The following GIMAP4 variants were observed in gnomAD, a reference collection of about 807,000 sequenced individuals.
GIMAP4 encodes the protein GTPase IMAP family member 4.
A neutral mutation model predicts 10.8 loss-of-function variants in GIMAP4; 12 were observed. That is an observed-to-expected ratio of 1.11 (90% CI 0.71 to 1.81). The LOEUF (loss-of-function observed/expected upper bound fraction) is 1.81, where lower values mean the gene tolerates loss of function less well. Among genes scored for constraint, GIMAP4 ranks in the 40% most tolerant of loss-of-function variants. The pLI is 0.00. For missense variants in GIMAP4, 412 were observed against 404.6 expected (o/e 1.02, Z -0.16); for synonymous variants, 149 against 147.2 (o/e 1.01, Z -0.09).
At chr7:150,571,486 G>C (rs1795727677) in intron 2 of GIMAP4, among the ~76,000 whole-genome samples, 1 of 152,136 alleles carries the variant, frequency 6.6e-6, no homozygotes, top group Non-Finnish European at 1.5e-5. Flanking sequence ...ACCTTATTTA[G>C]AAAGAAACAG....
At chr7:150,570,701 T>A (rs547328568) in intron 2 of GIMAP4, among the ~76,000 whole-genome samples, 4 of 152,236 alleles carry the variant, frequency 2.6e-5, no homozygotes, top group Admixed American at 2.6e-4. Context: ...TATGGACATG[T>A]CTGGTAGTTA....
chr7:150,572,932 G>C lies in GIMAP4; in HGVS notation c.862G>C (p.Ala288Pro). ...QMEKKLAEQE[A>P]HYAVRQQRAR... ...GGAGAAGAAACTAGCAGAACAGGAG[G>C]CTCACTATGCTGTAAGGCAGCAAAG... The change falls in exon 3 of 3, where the codon GCT becomes CCT. Residue 288 changes from alanine to proline, a missense_variant. Coordinates refer to ENST00000255945, the MANE Select transcript of GIMAP4 (RefSeq NM_018326.3). The C allele has an allele frequency of 1.2e-6, 2 of 1,613,970 alleles. No individual in the cohort carries two copies. The highest frequency in any genetic ancestry group is 1.7e-6 in the Non-Finnish European group (2 of 1,179,850).
Position 150,572,443 on chromosome 7 carries a change from C to T in GIMAP4, c.373C>T (p.Arg125Cys), listed in dbSNP as rs1585157840. The change falls in exon 3 of 3, where the codon CGT (arginine) becomes TGT (cysteine). Residue 125 changes from arginine (R) to cysteine (C), a missense_variant. Transcript: ENST00000255945. ...HALLLVVPLGRYTEEEHKATE... is the reference protein window; with the variant it reads ...HALLLVVPLGCYTEEEHKATE... ...TCTGCTTCTGGTGGTTCCACTGGGC[C>T]GTTACACTGAGGAAGAGCACAAAGC... is the stretch of plus-strand genomic sequence containing the variant. 1.2e-6 allele frequency: 2 copies of T among 1,613,866 alleles called. No individual in the cohort carries two copies. The highest frequency in any genetic ancestry group is 2.2e-5 in the East Asian group (1 of 44,898).
At position 150,567,792 on chromosome 7, in the gene GIMAP4, G is replaced by A. The variant is rs559736037; in HGVS notation, c.-15+355G>A. 3.3e-5 allele frequency among the ~76,000 whole-genome samples: 5 copies of A among 152,308 alleles called. No homozygotes were observed. In the East Asian group the frequency reaches 9.6e-4, roughly 29 times the overall value. ...GGAAGAGGAACATTGGGATGTGTAA[G>A]GGGCACAGCTCCATATGTGGCCCCA... On this transcript the variant is annotated intron_variant, in intron 1 of 2. Transcript: ENST00000255945.
intron 1 of GIMAP4, among the ~76,000 whole-genome samples, chr7:150,567,920 A>AG (rs957040809): frequency 6.6e-6 from 1 of 152,194 alleles, no homozygotes; most frequent in African/African-American, 2.4e-5. Flanking sequence ...CTGTCTCCTC[A>AG]GGGACAGTCC....
At position 150,573,081 on chromosome 7, in the gene GIMAP4, T is replaced by C. The variant is rs1251849426; in HGVS notation, c.*21T>C. 6.0e-6 allele frequency: 9 copies of C among 1,489,542 alleles called. No homozygotes were observed. Among genetic ancestry groups the C allele is most frequent in the South Asian group, 1.2e-5 (1 of 84,032 alleles). 92.3% of individuals were successfully genotyped at this position (1,489,542 alleles called of 1,614,324 possible). ...ATTAAACTTAATGAAAATCTGTTTG[T>C]ATTTTCTGCATATTCTCTGGCAACC... On this transcript the variant is annotated 3_prime_UTR_variant, in exon 3 of 3. Coordinates refer to ENST00000255945, the MANE Select transcript of GIMAP4 (RefSeq NM_018326.3).
chr7:150,572,806 G>C lies in GIMAP4; in HGVS notation c.736G>C (p.Val246Leu). ...QTQAMQELHR[V>L]ELEREKARIR... ...ACAAGCAATGCAAGAACTCCACAGAGTGGAGCTGGAGAGAGAGAAAGCGCG... is the reference window on the plus strand; with the variant it reads ...ACAAGCAATGCAAGAACTCCACAGACTGGAGCTGGAGAGAGAGAAAGCGCG... The change falls in exon 3 of 3, where the codon GTG becomes CTG. Residue 246 changes from valine to leucine, a missense_variant. By Grantham distance (32) the Val-to-Leu change is conservative. Coordinates refer to ENST00000255945, the MANE Select transcript of GIMAP4 (RefSeq NM_018326.3). 2 of 1,614,062 alleles carry C rather than the reference G, an allele frequency of 1.2e-6. No homozygotes were observed. Among genetic ancestry groups the C allele is most frequent in the Non-Finnish European group, 1.7e-6 (2 of 1,179,966 alleles).
In GIMAP4 at chr7:150,572,257, A is replaced by C. The variant is rs189157143; in HGVS notation, c.187A>C (p.Lys63Gln). The change falls in exon 3 of 3, where the codon AAA becomes CAA. Residue 63 changes from lysine to glutamine, a missense_variant. Transcript: ENST00000255945. ...RKVFHSGTAA[K>Q]SITKKCEKRS... Reference sequence around the variant, plus strand: ...AGTGTTTCATTCTGGCACTGCAGCAAAATCCATTACCAAGAAGTGTGAGAA... The same window carrying C: ...AGTGTTTCATTCTGGCACTGCAGCACAATCCATTACCAAGAAGTGTGAGAA... The C allele has an allele frequency of 1.9e-4, 299 of 1,614,190 alleles. No individual in the cohort carries two copies. The East Asian group carries it at 6.6e-3, about 35-fold the overall frequency.
At position 150,573,243 on chromosome 7, in the gene GIMAP4, G is replaced by A. The variant is rs1001666257; in HGVS notation, c.*183G>A. 1.2e-4 allele frequency: 65 copies of A among 557,426 alleles called. No homozygotes were observed. In the South Asian group the frequency reaches 1.5e-3, roughly 13 times the overall value. 34.5% of individuals were successfully genotyped at this position (557,426 alleles called of 1,614,324 possible). A position where few individuals can be genotyped will look rare whatever the true frequency, so the allele number is the denominator to read the frequency against. On this transcript the variant is annotated 3_prime_UTR_variant, in exon 3 of 3. Coordinates refer to ENST00000255945, the MANE Select transcript of GIMAP4 (RefSeq NM_018326.3). ...AGAGAGGGACAAATTTTCAATTTGT[G>A]AAACTCCAAAGCAGAAAGTATTGGT... is the stretch of plus-strand genomic sequence containing the variant.
In GIMAP4 at chr7:150,572,261, C is replaced by T. The variant is rs148050800; in HGVS notation, c.191C>T (p.Ser64Phe). 6.2e-7 allele frequency: 1 copy of T among 1,614,104 alleles called. No homozygotes were observed. The highest frequency in any genetic ancestry group is 1.7e-5 in the Admixed American group (1 of 60,034). Residue 64 changes from serine to phenylalanine, a missense_variant, in exon 3 of 3, where the codon TCC becomes TTC. Ser to Phe is a radical substitution (Grantham distance 155). Coordinates refer to ENST00000255945, the MANE Select transcript of GIMAP4 (RefSeq NM_018326.3). ...TTTCATTCTGGCACTGCAGCAAAAT[C>T]CATTACCAAGAAGTGTGAGAAACGC... The part of the protein sequence containing the change: ...KVFHSGTAAK[S>F]ITKKCEKRSS...
Position 150,573,098 on chromosome 7 carries a change from C to G in GIMAP4, c.*38C>G, listed in dbSNP as rs199615661. ...TCTGTTTGTATTTTCTGCATATTCT[C>G]TGGCAACCTTGCCCCATACTTACTT... On this transcript the variant is annotated 3_prime_UTR_variant, in exon 3 of 3. Coordinates refer to ENST00000255945, the MANE Select transcript of GIMAP4 (RefSeq NM_018326.3). 1 of 1,347,242 alleles carries G rather than the reference C, an allele frequency of 7.4e-7. No homozygotes were observed. The highest frequency in any genetic ancestry group is 2.3e-5 in the East Asian group (1 of 43,560). 83.5% of individuals were successfully genotyped at this position (1,347,242 alleles called of 1,614,324 possible).
chr7:150,569,897 C>T lies in GIMAP4; in HGVS notation c.-5C>T, dbSNP rs147631155. ...GTTTCTTGATCTACAGGAGTTCAAG[C>T]GACAATGGCAGCCCAATACGGCAGT... is the stretch of plus-strand genomic sequence containing the variant. On this transcript the variant is annotated 5_prime_UTR_variant, in exon 2 of 3. Transcript: ENST00000255945. The T allele has an allele frequency of 6.2e-4, 941 of 1,521,896 alleles. 4 individuals are homozygous for T. In the African/African-American group the frequency reaches 0.012, roughly 19 times the overall value. 94.3% of individuals were successfully genotyped at this position (1,521,896 alleles called of 1,614,324 possible). A position where few individuals can be genotyped will look rare whatever the true frequency, so the allele number is the denominator to read the frequency against.
Position 150,569,932 on chromosome 7 carries a change from A to C in GIMAP4, c.31A>C (p.Asn11His). Reference protein sequence around the residue: MAAQYGSMSFNPSTPGASYGP... With the variant: MAAQYGSMSFHPSTPGASYGP... ...AGCCCAATACGGCAGTATGAGCTTC[A>C]ACCCCAGCACACCAGGGGCCAGTTA... Residue 11 changes from asparagine (N) to histidine (H), a missense_variant, in exon 2 of 3, where the codon AAC (asparagine) becomes CAC (histidine). Coordinates refer to ENST00000255945, the MANE Select transcript of GIMAP4 (RefSeq NM_018326.3). The C allele has an allele frequency of 6.3e-7, 1 of 1,582,188 alleles. No homozygotes were observed. The highest frequency in any genetic ancestry group is 8.6e-7 in the Non-Finnish European group (1 of 1,157,704).
chr7:150,568,286 A>G (rs1795687936), intron 1 of GIMAP4, among the ~76,000 whole-genome samples: 1 of 152,204 alleles, frequency 6.6e-6, no homozygotes, highest in South Asian at 2.1e-4. Flanking sequence ...AAAAAATGCC[A>G]TGATTTCTCT....
chr7:150,572,466 A>T lies in GIMAP4; in HGVS notation c.396A>T (p.Lys132Asn). The T allele has an allele frequency of 1.2e-6, 2 of 1,614,124 alleles. No homozygotes were observed. The highest frequency in any genetic ancestry group is 1.7e-6 in the Non-Finnish European group (2 of 1,179,958). ...GCCGTTACACTGAGGAAGAGCACAA[A>T]GCCACAGAGAAGATCCTGAAAATGT... ...PLGRYTEEEHKATEKILKMFG... is the reference protein window; with the variant it reads ...PLGRYTEEEHNATEKILKMFG... Residue 132 changes from lysine to asparagine, a missense_variant, in exon 3 of 3, where the codon AAA (lysine) becomes AAT (asparagine). Transcript: ENST00000255945.
intron 2 of GIMAP4, among the ~76,000 whole-genome samples, chr7:150,571,286 C>T (rs1013456310): frequency 5.3e-5 from 8 of 152,160 alleles, no homozygotes; most frequent in South Asian, 4.1e-4. Flanking sequence ...TTCGGAAATA[C>T]GCTTCTTTCA....
At chr7:150,568,903 T>C (rs978269370) in intron 1 of GIMAP4, among the ~76,000 whole-genome samples, 1 of 152,174 alleles carries the variant, frequency 6.6e-6, no homozygotes, top group Non-Finnish European at 1.5e-5. Context: ...GAAGACTCTC[T>C]GGAGAGCCGA....
chr7:150,571,842 C>T (rs1332351490), intron 2 of GIMAP4, among the ~76,000 whole-genome samples: 1 of 152,148 alleles, frequency 6.6e-6, no homozygotes, highest in African/African-American at 2.4e-5. Context: ...TCTTCTGAAA[C>T]CATTTTATTT....
Position 150,573,113 on chromosome 7 carries a change from C to G in GIMAP4, c.*53C>G, listed in dbSNP as rs1304336786. 6 of 1,177,768 alleles carry G rather than the reference C, an allele frequency of 5.1e-6. No homozygotes were observed. The highest frequency in any genetic ancestry group is 7.4e-6 in the Non-Finnish European group (6 of 812,004). The allele number at this position is 1,177,768 out of a possible 1,614,324, so 73.0% of individuals were successfully genotyped here. A position where few individuals can be genotyped will look rare whatever the true frequency, so the allele number is the denominator to read the frequency against. ...TGCATATTCTCTGGCAACCTTGCCC[C>G]ATACTTACTTATTTAGCATAGTCGA... On this transcript the variant is annotated 3_prime_UTR_variant, in exon 3 of 3. Transcript: ENST00000255945.
Sources: gnomAD v4.1 joint callset for allele counts (sites outside exome capture counted in the v4.1 genomes callset) on GRCh38, gnomAD v4.1.1 for gene constraint, MANE v1.5 for transcripts, NCBI Gene and HGNC (gene_info 2026-07-23, HGNC 2026-07-21) for gene names.